The following TCF7L2 variants were observed in gnomAD, a reference collection of about 807,000 sequenced individuals.
The protein encoded by TCF7L2 is transcription factor 7 like 2.
In TCF7L2, 23 loss-of-function variants were observed where a neutral mutation model predicts 77.9. That is an observed-to-expected ratio of 0.30 (90% CI 0.21 to 0.42). TCF7L2 has a LOEUF of 0.42. Among genes scored for constraint, TCF7L2 ranks in the 10% least tolerant of loss-of-function variants. The pLI, the probability that TCF7L2 is intolerant of heterozygous loss-of-function variation, is 1.00. For missense variants in TCF7L2, 654 were observed against 793.1 expected (o/e 0.82, Z 2.11); for synonymous variants, 413 against 340.2 (o/e 1.21, Z -2.36).
At chr10:113,024,968 C>T (rs1233131560) in intron 4 of TCF7L2, among the ~76,000 whole-genome samples, 1 of 152,136 alleles carries the variant, frequency 6.6e-6, no homozygotes, top group Non-Finnish European at 1.5e-5. Flanking sequence ...AATTTTTGTG[C>T]ATGAAACAGA....
At chr10:113,078,779 G>A (rs952108890) in intron 5 of TCF7L2, among the ~76,000 whole-genome samples, 2 of 151,962 alleles carry the variant, frequency 1.3e-5, no homozygotes, top group Admixed American at 6.5e-5. Context: ...TTTCACGCTG[G>A]TGGTAATCCT....
intron 4 of TCF7L2, among the ~76,000 whole-genome samples, chr10:112,997,913 T>C (rs1321134463): frequency 1.3e-5 from 2 of 152,212 alleles, no homozygotes; most frequent in Admixed American, 1.3e-4. Flanking sequence ...CTGACGTATC[T>C]GTAAATTTCT....
intron 4 of TCF7L2, among the ~76,000 whole-genome samples, chr10:112,996,857 A>G (rs752669579): frequency 6.6e-6 from 1 of 152,198 alleles, no homozygotes; most frequent in Non-Finnish European, 1.5e-5. Flanking sequence ...GGGACCTTGC[A>G]AGGGCATTTG....
In TCF7L2 at chr10:112,951,514, G is replaced by A. The variant is rs766204038; in HGVS notation, c.288G>A (p.Lys96=). Reference sequence around the variant, plus strand: ...AGAGGCAAGATGGAGGGCTCTTTAAGGGGCCACCGTATCCCGGCTACCCCT... The same window carrying A: ...AGAGGCAAGATGGAGGGCTCTTTAAAGGGCCACCGTATCCCGGCTACCCCT... The change falls in exon 3 of 14, where the codon AAG becomes AAA. Residue 96 remains lysine, a synonymous_variant. Coordinates refer to ENST00000627217, the MANE Select transcript of TCF7L2 (RefSeq NM_001146274.2). 8.4e-6 allele frequency: 12 copies of A among 1,431,004 alleles called. No individual in the cohort carries two copies. In the South Asian group the frequency reaches 1.2e-4, roughly 14 times the overall value. 88.6% of individuals were successfully genotyped at this position (1,431,004 alleles called of 1,614,324 possible). A position where few individuals can be genotyped will look rare whatever the true frequency, so the allele number is the denominator to read the frequency against.
At chr10:113,134,970 A>G (rs2067184751) in intron 5 of TCF7L2, among the ~76,000 whole-genome samples, 1 of 152,252 alleles carries the variant, frequency 6.6e-6, no homozygotes. Context: ...GAGGAGGGCC[A>G]AGGGAGACAC....
At chr10:112,983,535 A>G (rs2040906685) in intron 4 of TCF7L2, among the ~76,000 whole-genome samples, 1 of 152,202 alleles carries the variant, frequency 6.6e-6, no homozygotes, top group East Asian at 1.9e-4. Flanking sequence ...CTCAAATGGC[A>G]GAGGTCTGCA....
intron 4 of TCF7L2, among the ~76,000 whole-genome samples, chr10:113,003,983 G>A (rs1287249126): frequency 6.6e-6 from 1 of 152,192 alleles, no homozygotes; most frequent in Non-Finnish European, 1.5e-5. Context: ...GTACCCTTGA[G>A]GCTGGGAGAA....
chr10:113,108,424 G>A (rs2062687971), intron 5 of TCF7L2, among the ~76,000 whole-genome samples: 1 of 152,082 alleles, frequency 6.6e-6, no homozygotes, highest in African/African-American at 2.4e-5. Context: ...GCTCATGGTG[G>A]GGGATTGAAT....
chr10:113,141,374 C>G, intron 6 of TCF7L2, 58 bp downstream of exon 6: 2 of 1,609,796 alleles, frequency 1.2e-6, no homozygotes, highest in Non-Finnish European at 1.7e-6. Flanking sequence ...CTGGGGGAAC[C>G]TTTGAGGCCT....
At chr10:113,117,422 TCTC>T (rs2063948284) in intron 5 of TCF7L2, among the ~76,000 whole-genome samples, 3 of 37,910 alleles carry the variant, frequency 7.9e-5, no homozygotes, top group African/African-American at 2.7e-4. Context: ...TCTCTCTCTC[TCTC>T]TCTCTCTCCC....
At chr10:113,083,311 T>A (rs2059502063) in intron 5 of TCF7L2, among the ~76,000 whole-genome samples, 1 of 148,626 alleles carries the variant, frequency 6.7e-6, no homozygotes. Flanking sequence ...TGTGGGCCCA[T>A]ACTCACACCT....
chr10:113,001,740 A>C (rs2044527359), intron 4 of TCF7L2, among the ~76,000 whole-genome samples: 1 of 152,202 alleles, frequency 6.6e-6, no homozygotes. Flanking sequence ...GTTTACACGA[A>C]GGGAATTTTT....
At chr10:113,037,115 A>T (rs762060181) in intron 4 of TCF7L2, among the ~76,000 whole-genome samples, 9 of 152,286 alleles carry the variant, frequency 5.9e-5, no homozygotes, top group Non-Finnish European at 1.2e-4. Flanking sequence ...TATTTTCCCT[A>T]TTAATAAGCA....
chr10:112,953,274 A>T (rs981824767), intron 3 of TCF7L2, among the ~76,000 whole-genome samples: 1 of 152,024 alleles, frequency 6.6e-6, no homozygotes, highest in Non-Finnish European at 1.5e-5. Context: ...GCGCCCAGAC[A>T]TGCTTGGGAA....
intron 6 of TCF7L2, among the ~76,000 whole-genome samples, chr10:113,143,502 G>A (rs901109155): frequency 2.6e-5 from 4 of 152,234 alleles, no homozygotes; most frequent in Non-Finnish European, 5.9e-5. Flanking sequence ...AGAAATCAGA[G>A]GAGTAGCTCT....
At chr10:113,126,755 G>A in intron 5 of TCF7L2, 1 of 985,724 alleles carries the variant, frequency 1.0e-6, no homozygotes, top group Non-Finnish European at 1.2e-6. Context: ...GGCGGCGCGG[G>A]CTGCAGGGCG....
chr10:113,111,670 T>C (rs2063146495), intron 5 of TCF7L2, among the ~76,000 whole-genome samples: 2 of 152,000 alleles, frequency 1.3e-5, no homozygotes, highest in South Asian at 4.2e-4. Flanking sequence ...CATGTGCCCA[T>C]CACCTCAGCC....
intron 4 of TCF7L2, among the ~76,000 whole-genome samples, chr10:113,015,831 G>A (rs2047243713): frequency 6.6e-6 from 1 of 152,126 alleles, no homozygotes; most frequent in Admixed American, 6.6e-5. Context: ...AGAAAGTGAA[G>A]GATGAGAATC....
intron 5 of TCF7L2, among the ~76,000 whole-genome samples, chr10:113,088,629 T>A (rs928713662): frequency 6.6e-6 from 1 of 152,136 alleles, no homozygotes; most frequent in African/African-American, 2.4e-5. Context: ...CAAAAGACTG[T>A]CGCCTGGCAG....
Sources: gnomAD v4.1 joint callset for allele counts (sites outside exome capture counted in the v4.1 genomes callset) on GRCh38, gnomAD v4.1.1 for gene constraint, MANE v1.5 for transcripts, NCBI Gene and HGNC (gene_info 2026-07-23, HGNC 2026-07-21) for gene names.